Variants in PINX1 observed in about 807,000 individuals in gnomAD.
PINX1 encodes PIN2 (TERF1) interacting telomerase inhibitor 1.
Under a neutral mutation model 25.4 loss-of-function variants are expected in PINX1, and 34 were observed. That is an observed-to-expected ratio of 1.34 (90% CI 1.02 to 1.78). PINX1 has a LOEUF of 1.78. Ranked by LOEUF, PINX1 falls within the 40% of genes most tolerant of loss-of-function variation. The pLI, the probability that PINX1 is intolerant of heterozygous loss-of-function variation, is 0.00. For synonymous variants in PINX1, 197 were observed against 147.7 expected, an observed-to-expected ratio of 1.33 and a Z score of -2.42; for missense variants, 592 against 404.9, an observed-to-expected ratio of 1.46 and a Z score of -3.97.
chr8:10,775,333 C>A (rs1801354141), intron 6 of PINX1, among the ~76,000 whole-genome samples: 2 of 151,846 alleles, frequency 1.3e-5, no homozygotes. Flanking sequence ...CCCACCCAAC[C>A]ACCAGAAATT....
intron 6 of PINX1, among the ~76,000 whole-genome samples, chr8:10,795,373 T>C (rs1470954268): frequency 6.6e-6 from 1 of 152,138 alleles, no homozygotes; most frequent in African/African-American, 2.4e-5. Flanking sequence ...TTTTTAACAA[T>C]CAACGTCACC....
intron 6 of PINX1, among the ~76,000 whole-genome samples, chr8:10,793,650 C>T (rs547171196): frequency 3.3e-5 from 5 of 151,840 alleles, no homozygotes; most frequent in South Asian, 4.2e-4. Flanking sequence ...TCCGCTGGAA[C>T]GGGGGCATTT....
intron 6 of PINX1, among the ~76,000 whole-genome samples, chr8:10,791,877 T>C (rs1801933958): frequency 6.6e-6 from 1 of 152,204 alleles, no homozygotes; most frequent in African/African-American, 2.4e-5. Flanking sequence ...CATCCTGCCC[T>C]CTTCCAGGTT....
At chr8:10,834,823 A>T (rs1395862862) in intron 1 of PINX1, 48 bp from the exon 2 acceptor site, 4 of 1,324,374 alleles carry the variant, frequency 3.0e-6, no homozygotes, top group Non-Finnish European at 3.2e-6. Context: ...GATACCCGGA[A>T]AATACCACAC....
At chr8:10,798,960 G>A (rs577293160) in intron 6 of PINX1, among the ~76,000 whole-genome samples, 4 of 152,264 alleles carry the variant, frequency 2.6e-5, no homozygotes, top group Non-Finnish European at 4.4e-5. Flanking sequence ...CCCAAATTGT[G>A]CACAAGCAGC....
At chr8:10,775,763 C>G (rs916555949) in intron 6 of PINX1, among the ~76,000 whole-genome samples, 2 of 152,188 alleles carry the variant, frequency 1.3e-5, no homozygotes, top group South Asian at 2.1e-4. Flanking sequence ...TGATCTAGGA[C>G]AAGTCACCGG....
intron 6 of PINX1, among the ~76,000 whole-genome samples, chr8:10,808,811 G>A (rs2129082427): frequency 6.6e-6 from 1 of 152,278 alleles, no homozygotes; most frequent in South Asian, 2.1e-4. Flanking sequence ...TAAGTAGGAA[G>A]CATTTATTTT....
At chr8:10,830,448 G>T (rs1798194528) in intron 4 of PINX1, among the ~76,000 whole-genome samples, 1 of 152,180 alleles carries the variant, frequency 6.6e-6, no homozygotes, top group African/African-American at 2.4e-5. Context: ...TACCTCTGCA[G>T]ATCCTCACAC....
intron 6 of PINX1, among the ~76,000 whole-genome samples, chr8:10,811,732 A>G (rs549228714): frequency 6.6e-6 from 1 of 152,126 alleles, no homozygotes; most frequent in Non-Finnish European, 1.5e-5. Context: ...TTGCCTGGGC[A>G]CCGGGCCTCC....
chr8:10,807,030 C>A (rs1041900271), intron 6 of PINX1, among the ~76,000 whole-genome samples: 1 of 152,084 alleles, frequency 6.6e-6, no homozygotes, highest in African/African-American at 2.4e-5. Flanking sequence ...CAGCAGACGG[C>A]AAAGGATCAT....
At chr8:10,814,945 T>C (rs1219965292) in intron 6 of PINX1, among the ~76,000 whole-genome samples, 1 of 152,090 alleles carries the variant, frequency 6.6e-6, no homozygotes, top group African/African-American at 2.4e-5. Context: ...TTCTTCTTTT[T>C]CTTCGTTTTT....
At chr8:10,838,340 G>A (rs758013184) in intron 1 of PINX1, among the ~76,000 whole-genome samples, 23 of 152,160 alleles carry the variant, frequency 1.5e-4, no homozygotes, top group Non-Finnish European at 2.6e-4. Flanking sequence ...TTGACAATTT[G>A]GAATAACGTT....
At chr8:10,830,672 C>T (rs1295223159) in intron 4 of PINX1, among the ~76,000 whole-genome samples, 1 of 152,162 alleles carries the variant, frequency 6.6e-6, no homozygotes, top group Non-Finnish European at 1.5e-5. Context: ...AGTACTTAGA[C>T]ACTTCTTCAA....
chr8:10,818,570 C>A (rs772439036), intron 6 of PINX1, among the ~76,000 whole-genome samples: 1 of 152,006 alleles, frequency 6.6e-6, no homozygotes, highest in Non-Finnish European at 1.5e-5. Context: ...AGAGGGTGTC[C>A]GGGAGGGCAA....
At chr8:10,834,367 T>G (rs530827277) in intron 2 of PINX1, 5 of 305,468 alleles carry the variant, frequency 1.6e-5, no homozygotes, top group Admixed American at 9.5e-5. Flanking sequence ...ACCATTTAAG[T>G]GTAGAGGTAT....
At chr8:10,839,046 A>C (rs1372270134) in intron 1 of PINX1, among the ~76,000 whole-genome samples, 1 of 152,184 alleles carries the variant, frequency 6.6e-6, no homozygotes, top group African/African-American at 2.4e-5. Context: ...GGATCAAAGC[A>C]TGACTGCCAT....
chr8:10,767,084 T>C, intron 6 of PINX1, among the ~76,000 whole-genome samples: 1 of 146,398 alleles, frequency 6.8e-6, no homozygotes, highest in South Asian at 2.2e-4. Flanking sequence ...TACTCATTTA[T>C]CTCACAAGAA....
intron 6 of PINX1, among the ~76,000 whole-genome samples, chr8:10,803,675 G>C (rs1002546734): frequency 2.0e-5 from 3 of 152,212 alleles, no homozygotes; most frequent in Admixed American, 2.0e-4. Flanking sequence ...TTGGCAGGAA[G>C]AGTTCAGATT....
rs771823073 is a variant in PINX1 at position 10,765,775 on chromosome 8, T to A, written c.613A>T (p.Thr205Ser). The change falls in exon 7 of 7, where the codon ACG (threonine) becomes TCG (serine). Residue 205 changes from threonine (T) to serine (S), a missense_variant. Thr to Ser is a moderately conservative substitution (Grantham distance 58). Coordinates refer to ENST00000314787, the MANE Select transcript of PINX1 (RefSeq NM_017884.6). ...TTCCCCCTTTTACGTTCCACCTGCG[T>A]CTCAGAAATGTCAGACCCTGGAACT... is the stretch of plus-strand genomic sequence containing the variant. ...VPVPGSDISETQVERKRGKKR... is the reference protein window; with the variant it reads ...VPVPGSDISESQVERKRGKKR... 1.4e-5 allele frequency: 22 copies of A among 1,613,996 alleles called. No individual in the cohort carries two copies. Among genetic ancestry groups the A allele is most frequent in the Middle Eastern group, 1.6e-4 (1 of 6,062 alleles).
Sources: allele counts gnomAD v4.1 joint callset (sites outside exome capture counted in the v4.1 genomes callset), GRCh38; gene constraint gnomAD v4.1.1; transcripts MANE v1.5; gene names NCBI Gene and HGNC (gene_info 2026-07-23, HGNC 2026-07-21).